Variants in SMC5 observed in about 807,000 individuals in gnomAD.
SMC5 encodes the protein structural maintenance of chromosomes 5, also known as structural maintenance of chromosomes protein 5.
Under a neutral mutation model 148.3 loss-of-function variants are expected in SMC5, and 88 were observed. That is an observed-to-expected ratio of 0.59 (90% CI 0.50 to 0.71). SMC5 has a LOEUF of 0.71. SMC5 is among the 30% of genes least tolerant of loss of function. The probability of loss-of-function intolerance (pLI) is 0.00; values close to 1 mark genes in which losing one functional copy is unlikely to be tolerated. For missense variants in SMC5, 1,142 were observed against 1,298.9 expected (o/e 0.88, Z 1.86); for synonymous variants, 421 against 432.8 (o/e 0.97, Z 0.34).
At chr9:70,288,384 T>C (rs902373107) in intron 8 of SMC5, among the ~76,000 whole-genome samples, 1 of 152,140 alleles carries the variant, frequency 6.6e-6, no homozygotes, top group Non-Finnish European at 1.5e-5. Context: ...ATCCATTTTT[T>C]CCCCCTTATC....
intron 7 of SMC5, 86 bp from the exon 8 acceptor site, chr9:70,286,114 C>T (rs2034892404): frequency 1.3e-6 from 1 of 793,868 alleles, no homozygotes; most frequent in Non-Finnish European, 2.2e-6. Flanking sequence ...TGGGTTAACT[C>T]GATATTTGAA....
At chr9:70,334,861 T>C (rs758898096) in intron 17 of SMC5, among the ~76,000 whole-genome samples, 1 of 152,192 alleles carries the variant, frequency 6.6e-6, no homozygotes, top group Non-Finnish European at 1.5e-5. Flanking sequence ...AACCTGACTT[T>C]ACTGGTCTTG....
intron 17 of SMC5, among the ~76,000 whole-genome samples, chr9:70,342,379 TAA>T (rs2036552170): frequency 6.6e-6 from 1 of 151,860 alleles, no homozygotes; most frequent in South Asian, 2.1e-4. Flanking sequence ...CCCTAAAACT[TAA>T]AAGTGTAATA....
chr9:70,331,413 A>T (rs80265118), intron 17 of SMC5, among the ~76,000 whole-genome samples: 21,699 of 149,510 alleles, frequency 0.15, 2,135 homozygotes, highest in African/African-American at 0.28. Flanking sequence ...AAAAGGTAGA[A>T]AAAAACAGGG....
chr9:70,278,718 T>G, intron 5 of SMC5, 93 bp downstream of exon 5: 5 of 1,278,080 alleles, frequency 3.9e-6, no homozygotes, highest in Non-Finnish European at 5.3e-6. Flanking sequence ...ATTCATTGAG[T>G]GAATTCGTAT....
intron 17 of SMC5, among the ~76,000 whole-genome samples, chr9:70,337,762 T>TA (rs775209515): frequency 6.6e-6 from 1 of 151,834 alleles, no homozygotes; most frequent in Non-Finnish European, 1.5e-5. Flanking sequence ...GGCCAAGAAA[T>TA]ACTGTTTTGA....
rs73647453 is a variant in SMC5, at chr9:70,287,583, T to C, written c.1053+1312T>C. 8.3e-3 allele frequency among the ~76,000 whole-genome samples: 1,267 copies of C among 152,264 alleles called. 17 individuals carry two copies. The highest frequency in any genetic ancestry group is 0.029 in the African/African-American group (1,219 of 41,554). On this transcript the variant is annotated intron_variant, in intron 8 of 24. Transcript: ENST00000361138. ...TCAGGCATTTCTGATGGTTGAAGCATGGTGTTAATCTCCTAGTTCTCAGCC... is the reference window on the plus strand; with the variant it reads ...TCAGGCATTTCTGATGGTTGAAGCACGGTGTTAATCTCCTAGTTCTCAGCC...
At chr9:70,315,346 A>G (rs1179045635) in intron 12 of SMC5, 100 bp from the exon 13 acceptor site, 3 of 684,080 alleles carry the variant, frequency 4.4e-6, no homozygotes, top group Non-Finnish European at 6.7e-6. Flanking sequence ...TTGTTGAAAT[A>G]ATGTATGTTT....
At position 70,352,514 on chromosome 9, in the gene SMC5, A is replaced by G. The variant is rs545925805; in HGVS notation, c.*183A>G. ...CTTTCCAAAATAGCAGCTGGTAGTA[A>G]AAGTTAAGTCTTCTTCAGTCTTGGT... On this transcript the variant is annotated 3_prime_UTR_variant, in exon 25 of 25. Coordinates refer to ENST00000361138, the MANE Select transcript of SMC5 (RefSeq NM_015110.4). 2 of 551,950 alleles carry G rather than the reference A, an allele frequency of 3.6e-6. No individual in the cohort carries two copies. Among genetic ancestry groups the G allele is most frequent in the Admixed American group, 7.2e-5 (2 of 27,946 alleles). The allele number at this position is 551,950 out of a possible 1,614,324, so 34.2% of individuals were successfully genotyped here. A position where few individuals can be genotyped will look rare whatever the true frequency, so the allele number is the denominator to read the frequency against.
chr9:70,314,653 C>T lies in SMC5; in HGVS notation c.1579-89C>T, dbSNP rs751780031. 6.6e-5 allele frequency: 37 copies of T among 556,548 alleles called. 2 individuals carry two copies. In the South Asian group the frequency reaches 8.0e-4, roughly 12 times the overall value. 34.5% of individuals were successfully genotyped at this position (556,548 alleles called of 1,614,324 possible). ...GTGTTCGAGTTTCTTATCCATCCCA[C>T]GAATGCCAGTAGGAGTATGGTAACT... On this transcript the variant is annotated intron_variant, in intron 11 of 24. Transcript: ENST00000361138.
intron 7 of SMC5, among the ~76,000 whole-genome samples, chr9:70,284,641 A>T (rs547632679): frequency 6.6e-6 from 1 of 152,336 alleles, no homozygotes; most frequent in African/African-American, 2.4e-5. Context: ...CTATTGTTAT[A>T]TTAGGCTCAT....
At chr9:70,289,789 A>G (rs1415216493) in intron 8 of SMC5, among the ~76,000 whole-genome samples, 1 of 151,918 alleles carries the variant, frequency 6.6e-6, no homozygotes, top group East Asian at 1.9e-4. Context: ...CCATCTAATT[A>G]AGAAAAAAAA....
chr9:70,322,909 C>T (rs2026137), intron 15 of SMC5, among the ~76,000 whole-genome samples: 32,131 of 152,058 alleles, frequency 0.21, 3,532 homozygotes, highest in South Asian at 0.28. Flanking sequence ...CTCCTTTAGG[C>T]AAGCTTTTAT....
chr9:70,274,201 C>T (rs2034524295), intron 3 of SMC5, among the ~76,000 whole-genome samples: 1 of 152,230 alleles, frequency 6.6e-6, no homozygotes. Context: ...CCTGCCTCAG[C>T]CTCCCGAGTA....
At chr9:70,284,454 A>AAC (rs1358669596) in intron 7 of SMC5, among the ~76,000 whole-genome samples, 2 of 152,160 alleles carry the variant, frequency 1.3e-5, no homozygotes, top group African/African-American at 4.8e-5. Flanking sequence ...TTGTTATGTT[A>AAC]ATGATGGTTG....
In SMC5 at chr9:70,259,068, A is replaced by G. The variant is rs780433800; in HGVS notation, c.-11A>G. 4.4e-6 allele frequency: 7 copies of G among 1,597,948 alleles called. No individual in the cohort carries two copies. Among genetic ancestry groups the G allele is most frequent in the Non-Finnish European group, 6.0e-6 (7 of 1,170,868 alleles). On this transcript the variant is annotated 5_prime_UTR_variant, in exon 1 of 25. Transcript: ENST00000361138. Reference sequence around the variant, plus strand: ...GAACGGAAGTCGCTGTGGGACGCTGAGGAAGCCAGGATGGCGACTCCGAGC... The same window carrying G: ...GAACGGAAGTCGCTGTGGGACGCTGGGGAAGCCAGGATGGCGACTCCGAGC...
chr9:70,259,089 C>G lies in SMC5; in HGVS notation c.11C>G (p.Pro4Arg), dbSNP rs573569022. MAT[P>R]SKKTSTPSPQ... ...GCTGAGGAAGCCAGGATGGCGACTC[C>G]GAGCAAGAAGACGTCAACTCCAAGC... is the stretch of plus-strand genomic sequence containing the variant. The change falls in exon 1 of 25, where the codon CCG becomes CGG. Residue 4 changes from proline (P) to arginine (R), a missense_variant. Physicochemically the swap from Pro to Arg is moderately radical, Grantham distance 103. This residue lies in a region of SMC5 where 297 missense variants were observed against 302.6 expected (regional missense o/e 0.98). Transcript: ENST00000361138. 3.0e-5 allele frequency: 48 copies of G among 1,605,912 alleles called. 1 individual carries two copies. The African/African-American group carries it at 5.5e-4, about 18-fold the overall frequency.
intron 8 of SMC5, among the ~76,000 whole-genome samples, chr9:70,295,018 A>G (rs2035157253): frequency 6.6e-6 from 1 of 152,254 alleles, no homozygotes; most frequent in Admixed American, 6.5e-5. Context: ...AGTGGGGCTC[A>G]ATTAAAGGAG....
intron 24 of SMC5, 23 bp downstream of exon 24, chr9:70,350,494 G>A: frequency 6.6e-7 from 1 of 1,511,556 alleles, no homozygotes; most frequent in Non-Finnish European, 9.0e-7. Flanking sequence ...TAACCTAAAA[G>A]TGGTCATATA....
Sources: gnomAD v4.1 joint callset for allele counts (sites outside exome capture counted in the v4.1 genomes callset) on GRCh38, gnomAD v4.1.1 for gene constraint, gnomAD v4.1.1 regional missense constraint, MANE v1.5 for transcripts, NCBI Gene and HGNC (gene_info 2026-07-23, HGNC 2026-07-21) for gene names.